Variants in TSC22D1 observed in about 807,000 individuals in gnomAD.
The protein encoded by TSC22D1 is TSC22 domain family protein 1.
TSC22D1 carries 9 observed loss-of-function variants against 74.2 expected under a neutral mutation model. The observed-to-expected ratio is 0.12, with a 90% CI of 0.07 to 0.21. TSC22D1 has a LOEUF of 0.21. Among genes scored for constraint, TSC22D1 ranks in the 10% least tolerant of loss-of-function variants. The probability of loss-of-function intolerance (pLI) is 1.00; values close to 1 mark genes in which losing one functional copy is unlikely to be tolerated. For synonymous variants in TSC22D1, 586 were observed against 492.5 expected, an observed-to-expected ratio of 1.19 and a Z score of -2.51; for missense variants, 1,427 against 1,304.7, an observed-to-expected ratio of 1.09 and a Z score of -1.44.
At chr13:44,494,182 C>T (rs1011160107) in intron 1 of TSC22D1, among the ~76,000 whole-genome samples, 5 of 151,780 alleles carry the variant, frequency 3.3e-5, no homozygotes. Flanking sequence ...TTGAGACTAG[C>T]CTGGCCAACA....
intron 1 of TSC22D1, among the ~76,000 whole-genome samples, chr13:44,529,256 G>A (rs935376897): frequency 2.6e-5 from 4 of 151,838 alleles, no homozygotes; most frequent in Non-Finnish European, 4.4e-5. Flanking sequence ...CCATATATAC[G>A]AGGCTGGTTT....
rs1286146865 is a variant in TSC22D1 at position 44,433,974 on chromosome 13, CA to C, written c.*651del. 2.0e-5 allele frequency: 30 copies of C among 1,533,990 alleles called. No homozygotes were observed. Among genetic ancestry groups the C allele is most frequent in the Non-Finnish European group, 2.2e-5 (25 of 1,146,452 alleles). Reference sequence around the variant, plus strand: ...GTACAAAATAGTTACACTACATACACAAATATACAATAAGCAAAACAACCTT... The same window carrying C: ...GTACAAAATAGTTACACTACATACACAATATACAATAAGCAAAACAACCTT... On this transcript the variant is annotated 3_prime_UTR_variant, in exon 3 of 3. Transcript: ENST00000458659.
chr13:44,517,788 T>TATATACATAC (rs1566149678), intron 1 of TSC22D1, among the ~76,000 whole-genome samples: 2 of 68,558 alleles, frequency 2.9e-5, no homozygotes, highest in Non-Finnish European at 7.3e-5. Context: ...CACATATATA[T>TATATACATAC]ACATATATAT....
At chr13:44,561,567 T>C (rs1382827867) in intron 1 of TSC22D1, among the ~76,000 whole-genome samples, 1 of 152,208 alleles carries the variant, frequency 6.6e-6, no homozygotes, top group Non-Finnish European at 1.5e-5. Context: ...TGAACCTCTT[T>C]GCTTAATGTT....
At chr13:44,453,486 A>G (rs917419006) in intron 1 of TSC22D1, among the ~76,000 whole-genome samples, 4 of 152,212 alleles carry the variant, frequency 2.6e-5, no homozygotes, top group Non-Finnish European at 4.4e-5. Context: ...TTATATCTTT[A>G]TATGTATTTA....
At chr13:44,509,950 C>CAAAAAAAAAAAAAAAAAAAAAAATA in intron 1 of TSC22D1, among the ~76,000 whole-genome samples, 6 of 51,424 alleles carry the variant, frequency 1.2e-4, no homozygotes, top group East Asian at 5.7e-4. Context: ...AGAAAATAAG[C>CAAAAAAAAAAAAAAAAAAAAAAATA]AAAAAAAAAA....
At chr13:44,500,609 A>T (rs972985319) in intron 1 of TSC22D1, among the ~76,000 whole-genome samples, 1 of 152,192 alleles carries the variant, frequency 6.6e-6, no homozygotes, top group African/African-American at 2.4e-5. Flanking sequence ...AAAATTTCTA[A>T]ATTATAATCT....
chr13:44,452,216 G>C (rs1344174195), intron 1 of TSC22D1, among the ~76,000 whole-genome samples: 1 of 152,204 alleles, frequency 6.6e-6, no homozygotes, highest in Admixed American at 6.5e-5. Context: ...AATAAAGTGA[G>C]ATGTTGTAAG....
At chr13:44,520,286 A>G (rs1007772754) in intron 1 of TSC22D1, among the ~76,000 whole-genome samples, 2 of 152,180 alleles carry the variant, frequency 1.3e-5, no homozygotes, top group African/African-American at 4.8e-5. Flanking sequence ...AGAGGACTAA[A>G]GATTAATAGC....
chr13:44,536,926 G>GAAAAAAAAAAAAAAAAAAAAAAAAAA (rs10596156), intron 1 of TSC22D1: 2 of 471,296 alleles, frequency 4.2e-6, no homozygotes, highest in African/African-American at 9.6e-5. Flanking sequence ...GTATTTTTCT[G>GAAAAAAAAAAAAAAAAAAAAAAAAAA]AAAAAAAAAA....
chr13:44,528,216 T>G (rs1356251398), intron 1 of TSC22D1, among the ~76,000 whole-genome samples: 1 of 152,052 alleles, frequency 6.6e-6, no homozygotes, highest in African/African-American at 2.4e-5. Context: ...ATCTATAGGC[T>G]ACTTCATCCA....
chr13:44,521,251 C>T (rs894118524), intron 1 of TSC22D1, among the ~76,000 whole-genome samples: 3 of 152,180 alleles, frequency 2.0e-5, no homozygotes, highest in Non-Finnish European at 2.9e-5. Context: ...TACAAACTTA[C>T]TTTTAGCTAA....
intron 1 of TSC22D1, among the ~76,000 whole-genome samples, chr13:44,499,167 T>C (rs930550180): frequency 3.3e-4 from 51 of 152,246 alleles, no homozygotes; most frequent in African/African-American, 1.1e-3. Context: ...CTAAGGCATA[T>C]TGCCAAGTTC....
rs1314276755 is a variant in TSC22D1, at chr13:44,432,903, G to A, written c.*1723C>T. On this transcript the variant is annotated 3_prime_UTR_variant, in exon 3 of 3. Coordinates refer to ENST00000458659, the MANE Select transcript of TSC22D1 (RefSeq NM_183422.4). ...GGTGCCAGGGGCCAATCTGCCTCAG[G>A]ATTCCTTCGTGGTTTTAATTTTGGC... is the stretch of plus-strand genomic sequence containing the variant. 6.6e-6 allele frequency: 1 copy of A among 152,178 alleles called. No homozygotes were observed. The highest frequency in any genetic ancestry group is 2.1e-4 in the South Asian group (1 of 4,828). The allele number at this position is 152,178 out of a possible 1,614,324, so 9.4% of individuals were successfully genotyped here.
chr13:44,495,902 CAT>C (rs1274635872), intron 1 of TSC22D1, among the ~76,000 whole-genome samples: 3 of 152,292 alleles, frequency 2.0e-5, no homozygotes, highest in East Asian at 3.9e-4. Flanking sequence ...TAGAGCAAAA[CAT>C]AGAGTGTATA....
chr13:44,460,063 G>A (rs1159823284), intron 1 of TSC22D1, among the ~76,000 whole-genome samples: 2 of 152,180 alleles, frequency 1.3e-5, no homozygotes, highest in East Asian at 3.8e-4. Flanking sequence ...GAGGTTTCTG[G>A]CTGAAAAAGC....
chr13:44,525,702 A>T (rs907402218), intron 1 of TSC22D1, among the ~76,000 whole-genome samples: 1 of 151,918 alleles, frequency 6.6e-6, no homozygotes, highest in Non-Finnish European at 1.5e-5. Context: ...AAATAAACAC[A>T]GATTAACCCC....
chr13:44,534,021 G>A (rs892357297), intron 1 of TSC22D1, among the ~76,000 whole-genome samples: 2 of 151,992 alleles, frequency 1.3e-5, no homozygotes, highest in Non-Finnish European at 2.9e-5. Context: ...ACTGAGGAGG[G>A]AGGATCACTT....
chr13:44,479,003 T>C (rs1878052878), intron 1 of TSC22D1, among the ~76,000 whole-genome samples: 1 of 152,150 alleles, frequency 6.6e-6, no homozygotes, highest in African/African-American at 2.4e-5. Context: ...TCAAAGATTA[T>C]AGGTCTCTGA....
Sources: allele counts gnomAD v4.1 joint callset (sites outside exome capture counted in the v4.1 genomes callset), GRCh38; gene constraint gnomAD v4.1.1; transcripts MANE v1.5; gene names NCBI Gene and HGNC (gene_info 2026-07-23, HGNC 2026-07-21).